SUSD4: variants seen among roughly 807,000 people sequenced by gnomAD.
SUSD4 encodes sushi domain-containing protein 4.
SUSD4 carries 41 observed loss-of-function variants against 50.5 expected under a neutral mutation model. That is an observed-to-expected ratio of 0.81 (90% CI 0.63 to 1.05). The LOEUF (loss-of-function observed/expected upper bound fraction) is 1.05, where lower values mean the gene tolerates loss of function less well. SUSD4 is among the 50% of genes least tolerant of loss of function. The pLI, the probability that SUSD4 is intolerant of heterozygous loss-of-function variation, is 0.00. For synonymous variants in SUSD4, 257 were observed against 257.3 expected, an observed-to-expected ratio of 1.00 and a Z score of 0.01; for missense variants, 580 against 634.7, an observed-to-expected ratio of 0.91 and a Z score of 0.93.
intron 5 of SUSD4, among the ~76,000 whole-genome samples, chr1:223,262,332 C>T (rs533597623): frequency 1.3e-5 from 2 of 152,114 alleles, no homozygotes; most frequent in Non-Finnish European, 1.5e-5. Flanking sequence ...CAGCCCAGTG[C>T]AATAATTTTC....
chr1:223,231,776 AG>A lies in SUSD4; in HGVS notation c.725-2389del, dbSNP rs1445634595. 6.6e-6 allele frequency among the ~76,000 whole-genome samples: 1 copy of A among 152,066 alleles called. No individual in the cohort carries two copies. Among genetic ancestry groups the A allele is most frequent in the Admixed American group, 6.5e-5 (1 of 15,276 alleles). ...TACTCAATTCCTGGTTCTTCCCACA[AG>A]GAAGGGGTCTCCAGTGGCCCCGGGA... On this transcript the variant is annotated intron_variant, in intron 5 of 8. Coordinates refer to ENST00000366878, the MANE Select transcript of SUSD4 (RefSeq NM_017982.4). The surrounding 1 kb of genome is among the most constrained non-coding windows in gnomAD (Gnocchi z 4.2).
intron 3 of SUSD4, among the ~76,000 whole-genome samples, chr1:223,289,540 A>C (rs1285726129): frequency 6.6e-6 from 1 of 152,186 alleles, no homozygotes; most frequent in Admixed American, 6.5e-5. Flanking sequence ...ACTGTCATAA[A>C]GCATTTTAAT....
rs528255337 is a variant in SUSD4, at chr1:223,332,221, A to G, written c.148+31057T>C. On this transcript the variant is annotated intron_variant, in intron 2 of 8. Transcript: ENST00000366878. This position sits in a 1 kb window ranked among gnomAD's most constrained non-coding sequence, Gnocchi z 4.0. Reference sequence around the variant, plus strand: ...CCATAAAATACCTAAGATGTGGTTCATAAAATATTTGGAGGGTGCTAGTAG... The same window carrying G: ...CCATAAAATACCTAAGATGTGGTTCGTAAAATATTTGGAGGGTGCTAGTAG... 8.5e-5 allele frequency among the ~76,000 whole-genome samples: 13 copies of G among 152,362 alleles called. No individual in the cohort carries two copies. Among genetic ancestry groups the G allele is most frequent in the African/African-American group, 2.9e-4 (12 of 41,582 alleles).
intron 2 of SUSD4, among the ~76,000 whole-genome samples, chr1:223,337,318 A>T (rs138815631): frequency 6.6e-6 from 1 of 152,230 alleles, no homozygotes; most frequent in Non-Finnish European, 1.5e-5. Flanking sequence ...TGTATGAAGG[A>T]ATGAATGTCA....
At position 223,243,089 on chromosome 1, in the gene SUSD4, G is replaced by C. The variant is rs1571866714; in HGVS notation, c.725-13701C>G. ...AGATGCTCCCCATGATGGGCAGCCG[G>C]GTGACAGTGGCCACAGGGAGCCCTG... On this transcript the variant is annotated intron_variant, in intron 5 of 8. Transcript: ENST00000366878. Among the ~76,000 whole-genome samples the C allele has an allele frequency of 2.0e-5, 3 of 152,200 alleles. No homozygotes were observed. The South Asian group carries it at 6.2e-4, about 32-fold the overall frequency.
intron 3 of SUSD4, among the ~76,000 whole-genome samples, chr1:223,273,924 C>T (rs1663086470): frequency 6.6e-6 from 1 of 152,142 alleles, no homozygotes; most frequent in Non-Finnish European, 1.5e-5. Flanking sequence ...AAAGCCTTAG[C>T]CATGAGTAGA....
chr1:223,355,036 C>T (rs1210369753), intron 2 of SUSD4, among the ~76,000 whole-genome samples: 1 of 151,834 alleles, frequency 6.6e-6, no homozygotes, highest in African/African-American at 2.4e-5. Context: ...CAGCTCACTG[C>T]ACTTCTGCTG....
intron 8 of SUSD4, 29 bp downstream of exon 8, chr1:223,223,220 G>A (rs1659246818): frequency 2.7e-6 from 4 of 1,507,928 alleles, no homozygotes; most frequent in Admixed American, 2.2e-5. Flanking sequence ...GTTTGCAGGT[G>A]TGGCTTGGGC....
At chr1:223,264,959 T>C in intron 4 of SUSD4, 141 bp from the exon 5 acceptor site, 1 of 815,584 alleles carries the variant, frequency 1.2e-6, no homozygotes, top group Non-Finnish European at 1.9e-6. Context: ...ATGAAGCACC[T>C]TGGTCTCAAA....
intron 2 of SUSD4, among the ~76,000 whole-genome samples, chr1:223,294,994 A>G (rs712856): frequency 0.17 from 25,484 of 152,224 alleles, 2,622 homozygotes; most frequent in South Asian, 0.25. Context: ...TTTCCACTTC[A>G]TACCATCATG....
chr1:223,355,979 C>T (rs1330289008), intron 2 of SUSD4, among the ~76,000 whole-genome samples: 3 of 152,296 alleles, frequency 2.0e-5, no homozygotes, highest in African/African-American at 7.2e-5. Context: ...GGGGCCTGCA[C>T]ATGCCTCTGT....
At chr1:223,349,947 G>T (rs1668264027) in intron 2 of SUSD4, among the ~76,000 whole-genome samples, 1 of 152,170 alleles carries the variant, frequency 6.6e-6, no homozygotes, top group Non-Finnish European at 1.5e-5. Flanking sequence ...GGTAATTAAA[G>T]TTAAATGAAG....
intron 2 of SUSD4, among the ~76,000 whole-genome samples, chr1:223,311,640 T>C (rs1015747404): frequency 6.6e-6 from 1 of 152,238 alleles, no homozygotes; most frequent in African/African-American, 2.4e-5. Context: ...AGAAAAAAAT[T>C]GCAAACAGAT....
chr1:223,291,210 C>T (rs1016601813), intron 3 of SUSD4, among the ~76,000 whole-genome samples: 4 of 152,038 alleles, frequency 2.6e-5, no homozygotes, highest in African/African-American at 9.7e-5. Context: ...ATGCTTATCA[C>T]GGCCGGGTGC....
In SUSD4 at chr1:223,223,104, T is replaced by C. The variant is rs1041269078; in HGVS notation, c.1444+145A>G. The C allele has an allele frequency of 5.0e-6, 6 of 1,205,214 alleles. No homozygotes were observed. In the Admixed American group the frequency reaches 9.8e-5, roughly 20 times the overall value. 74.7% of individuals were successfully genotyped at this position (1,205,214 alleles called of 1,614,324 possible). On this transcript the variant is annotated intron_variant, in intron 8 of 8. Coordinates refer to ENST00000366878, the MANE Select transcript of SUSD4 (RefSeq NM_017982.4). ...AAGGCCTCTACATGGAGAGAGAGCA[T>C]GAAGCAATTTAAGCTGAGTGAGAGG...
intron 2 of SUSD4, among the ~76,000 whole-genome samples, chr1:223,304,805 T>C (rs1416935140): frequency 4.0e-4 from 3 of 7,416 alleles, no homozygotes; most frequent in Admixed American, 1.1e-3. Flanking sequence ...TATATATATA[T>C]ATATATATAT....
At chr1:223,264,211 A>G (rs1167081392) in intron 5 of SUSD4, 2 of 985,358 alleles carry the variant, frequency 2.0e-6, no homozygotes, top group African/African-American at 3.5e-5. Context: ...GCTTGCAGCA[A>G]AACATTTACA....
rs1659902932 is a variant in SUSD4, at chr1:223,231,584, T to C, written c.725-2196A>G. ...CTACCACCAGGGTGCTCTGGGAGCA[T>C]CTCCAGGAAATAAAGCAGAAGGAAG... On this transcript the variant is annotated intron_variant, in intron 5 of 8. Coordinates refer to ENST00000366878, the MANE Select transcript of SUSD4 (RefSeq NM_017982.4). The surrounding 1 kb of genome is among the most constrained non-coding windows in gnomAD (Gnocchi z 4.2). Among the ~76,000 whole-genome samples the C allele has an allele frequency of 1.3e-5, 2 of 151,920 alleles. No individual in the cohort carries two copies. The highest frequency in any genetic ancestry group is 1.3e-4 in the Admixed American group (2 of 15,264).
chr1:223,290,951 C>CATAT (rs140636345), intron 3 of SUSD4, among the ~76,000 whole-genome samples: 2 of 149,150 alleles, frequency 1.3e-5, no homozygotes, highest in Non-Finnish European at 1.5e-5. Context: ...AGTCTATATA[C>CATAT]ATATATATAT....
Sources: gnomAD v4.1 joint callset for allele counts (sites outside exome capture counted in the v4.1 genomes callset) on GRCh38, gnomAD v4.1.1 for gene constraint, Gnocchi (gnomAD v3.1) non-coding constraint, MANE v1.5 for transcripts, NCBI Gene and HGNC (gene_info 2026-07-23, HGNC 2026-07-21) for gene names.